The following TSGA10 variants were observed in gnomAD, a reference collection of about 807,000 sequenced individuals.
TSGA10 encodes the protein testis-specific gene 10 protein.
Under a neutral mutation model 96.6 loss-of-function variants are expected in TSGA10, and 43 were observed. That is an observed-to-expected ratio of 0.44 (90% CI 0.35 to 0.57). The LOEUF (loss-of-function observed/expected upper bound fraction) is 0.57. Ranked by LOEUF, TSGA10 falls within the 20% of genes least tolerant of loss-of-function variation. TSGA10 has a pLI of 0.01. For synonymous variants in TSGA10, 229 were observed against 269.9 expected (o/e 0.85, Z 1.48); for missense variants, 703 against 834.4 (o/e 0.84, Z 1.94).
rs556144939 is a variant in TSGA10, at chr2:99,113,257, T to G, written c.-139-2342A>C. 4.6e-5 allele frequency among the ~76,000 whole-genome samples: 7 copies of G among 152,280 alleles called. No individual in the cohort carries two copies. In the South Asian group the frequency reaches 1.5e-3, roughly 32 times the overall value. On this transcript the variant is annotated intron_variant, in intron 4 of 20. Transcript: ENST00000393483. Reference sequence around the variant, plus strand: ...CCCCTAGAGTGTGGGTTATACTTAGTGACTCACTTTTAAAGATTAGAATAT... The same window carrying G: ...CCCCTAGAGTGTGGGTTATACTTAGGGACTCACTTTTAAAGATTAGAATAT...
intron 17 of TSGA10, among the ~76,000 whole-genome samples, chr2:99,026,789 C>T (rs1237999006): frequency 6.6e-6 from 1 of 152,030 alleles, no homozygotes; most frequent in Non-Finnish European, 1.5e-5. Flanking sequence ...TAAAGTAAGG[C>T]CATAAATGGA....
chr2:99,067,674 G>A (rs1397542701), intron 15 of TSGA10, among the ~76,000 whole-genome samples: 1 of 151,960 alleles, frequency 6.6e-6, no homozygotes, highest in African/African-American at 2.4e-5. Context: ...CTAACATGGC[G>A]AAACCCCGTC....
At chr2:99,024,432 TTGATA>T (rs2080359688) in intron 17 of TSGA10, among the ~76,000 whole-genome samples, 1 of 152,118 alleles carries the variant, frequency 6.6e-6, no homozygotes, top group South Asian at 2.1e-4. Flanking sequence ...GCAATTCCGT[TTGATA>T]TAATTTTTTT....
chr2:99,036,021 A>G, intron 16 of TSGA10, among the ~76,000 whole-genome samples: 1 of 152,136 alleles, frequency 6.6e-6, no homozygotes, highest in Non-Finnish European at 1.5e-5. Context: ...TTTTAAAACT[A>G]TGAGATTCAA....
chr2:99,088,337 T>C (rs1294118000), intron 10 of TSGA10, among the ~76,000 whole-genome samples: 1 of 152,222 alleles, frequency 6.6e-6, no homozygotes, highest in Non-Finnish European at 1.5e-5. Flanking sequence ...TAGTTATTGT[T>C]GTTAATCTCT....
At chr2:99,131,517 T>G (rs755749683) in intron 1 of TSGA10, among the ~76,000 whole-genome samples, 1 of 152,220 alleles carries the variant, frequency 6.6e-6, no homozygotes, top group Non-Finnish European at 1.5e-5. Flanking sequence ...AAGGAGATTT[T>G]GGGCTAAGAC....
At chr2:99,149,831 C>T (rs1346220975) in intron 1 of TSGA10, among the ~76,000 whole-genome samples, 3 of 142,354 alleles carry the variant, frequency 2.1e-5, no homozygotes, top group African/African-American at 5.3e-5. Flanking sequence ...TCGCTCTTGT[C>T]GCCCAGGCTG....
intron 20 of TSGA10, among the ~76,000 whole-genome samples, chr2:99,017,695 G>T (rs574657076): frequency 1.3e-5 from 2 of 151,268 alleles, no homozygotes; most frequent in Non-Finnish European, 1.5e-5. Flanking sequence ...AACCCGGGAG[G>T]CGGAGCTTGC....
chr2:99,047,556 G>A (rs1039199320), intron 16 of TSGA10, among the ~76,000 whole-genome samples: 1 of 152,102 alleles, frequency 6.6e-6, no homozygotes, highest in African/African-American at 2.4e-5. Flanking sequence ...AATAAACTAG[G>A]TATTGATGGG....
At position 99,108,945 on chromosome 2, in the gene TSGA10, C is replaced by T. The variant is rs567289053; in HGVS notation, c.98G>A (p.Arg33His). The T allele has an allele frequency of 6.9e-5, 111 of 1,604,902 alleles. No homozygotes were observed. Among genetic ancestry groups the T allele is most frequent in the Middle Eastern group, 6.7e-4 (4 of 6,014 alleles). ...TTCCAGCATGCATTTAAGTTCTTCA[C>T]GATCTCTTGTTGTTGTCTTCAAAAG... ...VELLKTTTRD[R>H]EELKCMLEKY... is the part of the protein sequence containing the mutation. The change falls in exon 7 of 21, where the codon CGT becomes CAT. Residue 33 changes from arginine (R) to histidine (H), a missense_variant. Transcript: ENST00000393483.
intron 2 of TSGA10, among the ~76,000 whole-genome samples, chr2:99,122,498 A>G (rs6741772): frequency 0.57 from 86,447 of 150,448 alleles, 26,108 homozygotes; most frequent in East Asian, 0.88. Context: ...AAAAAATTTG[A>G]ATCGGAGTAG....
chr2:98,998,457 T>C (rs1394312173), intron 20 of TSGA10, among the ~76,000 whole-genome samples: 2 of 152,188 alleles, frequency 1.3e-5, no homozygotes, highest in African/African-American at 4.8e-5. Context: ...TTACAGCAGC[T>C]TGGATGGATC....
intron 19 of TSGA10, 30 bp downstream of exon 19, chr2:99,018,506 G>C (rs750562296): frequency 9.4e-6 from 15 of 1,602,612 alleles, no homozygotes; most frequent in Non-Finnish European, 1.3e-5. Flanking sequence ...GAAAAGCATT[G>C]TTTTTGAGCT....
At chr2:99,110,062 G>A (rs938876838) in intron 5 of TSGA10, among the ~76,000 whole-genome samples, 7 of 152,178 alleles carry the variant, frequency 4.6e-5, no homozygotes, top group Non-Finnish European at 1.0e-4. Flanking sequence ...CTATTTGGGA[G>A]GTTGAGGCAG....
chr2:99,031,333 C>T (rs2081116409), intron 17 of TSGA10, among the ~76,000 whole-genome samples: 1 of 134,108 alleles, frequency 7.5e-6, no homozygotes, highest in South Asian at 2.5e-4. Flanking sequence ...GTCAACCTCA[C>T]ACTTTACGCA....
At position 99,154,840 on chromosome 2, in the gene TSGA10, G is replaced by A; in HGVS notation, c.-768C>T. The stretch of plus-strand genomic sequence containing the variant: ...TCCCGCCCTGAAGGACCCTTACTTA[G>A]CACTCCTGCGGGCTGCCGGGACCCC... On this transcript the variant is annotated 5_prime_UTR_variant, in exon 1 of 21. Transcript: ENST00000393483. 2.9e-6 allele frequency: 1 copy of A among 344,564 alleles called. No homozygotes were observed. Among genetic ancestry groups the A allele is most frequent in the Non-Finnish European group, 5.8e-6 (1 of 173,830 alleles). The allele number at this position is 344,564 out of a possible 1,614,324, so 21.3% of individuals were successfully genotyped here.
chr2:99,024,808 A>G (rs902331048), intron 17 of TSGA10, among the ~76,000 whole-genome samples: 1 of 152,132 alleles, frequency 6.6e-6, no homozygotes, highest in Non-Finnish European at 1.5e-5. Flanking sequence ...TGAGGTCAAG[A>G]AAGTTTCTAT....
intron 1 of TSGA10, among the ~76,000 whole-genome samples, chr2:99,153,308 G>A (rs2093711590): frequency 6.6e-6 from 1 of 152,226 alleles, no homozygotes; most frequent in South Asian, 2.1e-4. Context: ...TGAATGGGAA[G>A]TGAGAAAGTA....
intron 16 of TSGA10, among the ~76,000 whole-genome samples, chr2:99,064,456 T>C (rs1478239747): frequency 1.3e-5 from 2 of 152,196 alleles, no homozygotes; most frequent in African/African-American, 2.4e-5. Flanking sequence ...AATAACATTA[T>C]ACATTATTTG....
Sources: gnomAD v4.1 joint callset for allele counts (sites outside exome capture counted in the v4.1 genomes callset) on GRCh38, gnomAD v4.1.1 for gene constraint, MANE v1.5 for transcripts, NCBI Gene and HGNC (gene_info 2026-07-23, HGNC 2026-07-21) for gene names.